The following FCHO1 variants were observed in gnomAD, a reference collection of about 807,000 sequenced individuals.
FCHO1 encodes the protein F-BAR domain only protein 1.
In FCHO1, 45 loss-of-function variants were observed where a neutral mutation model predicts 114.4. The ratio of observed to expected loss-of-function variants is 0.39; its 90% CI spans 0.31 to 0.50. The LOEUF (loss-of-function observed/expected upper bound fraction) is 0.50, where lower values mean the gene tolerates loss of function less well. Among genes scored for constraint, FCHO1 ranks in the 20% least tolerant of loss-of-function variants. FCHO1 has a pLI of 0.77. For synonymous variants in FCHO1, 480 were observed against 488.9 expected (o/e 0.98, Z 0.24); for missense variants, 1,042 against 1,209.6 (o/e 0.86, Z 2.06).
intron 1 of FCHO1, among the ~76,000 whole-genome samples, chr19:17,752,634 C>T (rs2082273435): frequency 6.7e-6 from 1 of 149,534 alleles, no homozygotes; most frequent in Non-Finnish European, 1.5e-5. Context: ...GGTTGTGGCT[C>T]ATGGCTGTAA....
At chr19:17,768,709 CAAAA>C in intron 7 of FCHO1, among the ~76,000 whole-genome samples, 1 of 109,690 alleles carries the variant, frequency 9.1e-6, no homozygotes, top group African/African-American at 3.4e-5. Flanking sequence ...CAAAACAAGG[CAAAA>C]AAAAAAAAAA....
intron 5 of FCHO1, 75 bp from the exon 6 acceptor site, chr19:17,764,300 C>T: frequency 6.8e-7 from 1 of 1,477,002 alleles, no homozygotes; most frequent in Non-Finnish European, 9.5e-7. Context: ...CTCGGCCTCC[C>T]AGAGTGCTGG....
At chr19:17,779,294 G>A (rs779994865) in intron 20 of FCHO1, among the ~76,000 whole-genome samples, 65 of 152,230 alleles carry the variant, frequency 4.3e-4, no homozygotes, top group Non-Finnish European at 7.9e-4. Flanking sequence ...GGACCAGGAA[G>A]GGCCTGATGG....
intron 27 of FCHO1, among the ~76,000 whole-genome samples, chr19:17,787,411 TAA>T (rs139752878): frequency 6.7e-4 from 69 of 103,438 alleles, no homozygotes; most frequent in Non-Finnish European, 7.2e-4. Flanking sequence ...ACCCTGTCTC[TAA>T]AAAAAAAAAA....
chr19:17,781,639 G>T (rs1038421973), intron 22 of FCHO1, 73 bp from the exon 23 acceptor site: 34 of 1,547,016 alleles, frequency 2.2e-5, no homozygotes, highest in Middle Eastern at 3.4e-4. Context: ...GTTGGGCGGA[G>T]GGAGTCTCGA....
At chr19:17,766,553 G>A in intron 6 of FCHO1, 116 bp from the exon 7 acceptor site, 1 of 1,275,680 alleles carries the variant, frequency 7.8e-7, no homozygotes, top group Non-Finnish European at 1.1e-6. Context: ...ATATGAATTA[G>A]TATTCATTCA....
intron 6 of FCHO1, among the ~76,000 whole-genome samples, chr19:17,766,177 ATTT>A (rs1205212543): frequency 1.0e-5 from 1 of 96,006 alleles, no homozygotes; most frequent in African/African-American, 4.1e-5. Context: ...GGCGTGAACC[ATTT>A]TTTTTTTTTT....
Position 17,767,563 on chromosome 19 carries a change from TA to T in FCHO1, c.336+773del, listed in dbSNP as rs34862065. 2.8e-4 allele frequency among the ~76,000 whole-genome samples: 32 copies of T among 114,294 alleles called. No homozygotes were observed. In the South Asian group the frequency reaches 3.5e-3, roughly 13 times the overall value. The allele number at this position is 114,294 out of a possible 152,430, so 75.0% of individuals were successfully genotyped here. On this transcript the variant is annotated intron_variant, in intron 7 of 28. Coordinates refer to ENST00000596536, the MANE Select transcript of FCHO1 (RefSeq NM_015122.3). Reference sequence around the variant, plus strand: ...GCCTAGGCAACAGAGAAAGACTGTCTAAAAAAAAAAAAAAAAAAAACAAGAG... The same window carrying T: ...GCCTAGGCAACAGAGAAAGACTGTCTAAAAAAAAAAAAAAAAAAACAAGAG...
chr19:17,752,920 A>T (rs1022311621), intron 1 of FCHO1, among the ~76,000 whole-genome samples: 7 of 151,776 alleles, frequency 4.6e-5, no homozygotes, highest in Admixed American at 1.3e-4. Context: ...ATAAAAAAAT[A>T]AAAAAAACTT....
At chr19:17,758,041 C>T (rs1212265258) in intron 4 of FCHO1, among the ~76,000 whole-genome samples, 1 of 151,744 alleles carries the variant, frequency 6.6e-6, no homozygotes, top group Non-Finnish European at 1.5e-5. Flanking sequence ...CAGTGAAACC[C>T]CGTCTCTACT....
intron 11 of FCHO1, 55 bp downstream of exon 11, chr19:17,772,796 C>T: frequency 8.2e-7 from 1 of 1,225,090 alleles, no homozygotes; most frequent in Non-Finnish European, 1.2e-6. Context: ...TGCAGACAGG[C>T]ATGTGCCACC....
rs1457922442 is a variant in FCHO1 at position 17,775,892 on chromosome 19, G to A, written c.1004-91G>A. The A allele has an allele frequency of 2.0e-6, 3 of 1,483,312 alleles. No individual in the cohort carries two copies. The highest frequency in any genetic ancestry group is 1.8e-5 in the Admixed American group (1 of 55,128). 91.9% of individuals were successfully genotyped at this position (1,483,312 alleles called of 1,614,324 possible). ...CGATGGGATTGGGCAGGACCTCGAA[G>A]GGTTTGAGCAGGGAGGGACGAGGCT... On this transcript the variant is annotated intron_variant, in intron 15 of 28. Transcript: ENST00000596536. The surrounding 1 kb of genome is among the most constrained non-coding windows in gnomAD (Gnocchi z 5.1).
chr19:17,751,446 G>C (rs1264359604), upstream of FCHO1: 1 of 129,058 alleles, frequency 7.7e-6, no homozygotes, highest in African/African-American at 3.0e-5. This position sits in a 1 kb window ranked among gnomAD's most constrained non-coding sequence, Gnocchi z 4.4. Context: ...GCGGGGCGGG[G>C]TGAGCTTCCT....
At chr19:17,757,114 G>A (rs8106026) in intron 4 of FCHO1, among the ~76,000 whole-genome samples, 62,454 of 150,850 alleles carry the variant, frequency 0.41, 13,952 homozygotes, top group Non-Finnish European at 0.48. Context: ...GCTTGAACCC[G>A]GGAGGTGGAA....
intron 7 of FCHO1, among the ~76,000 whole-genome samples, chr19:17,769,742 A>G (rs1001286300): frequency 4.6e-5 from 7 of 152,154 alleles, no homozygotes; most frequent in African/African-American, 1.7e-4. Flanking sequence ...TCACAGTAAT[A>G]ATTGGGGACT....
chr19:17,750,528 C>T (rs1435734444), upstream of FCHO1, among the ~76,000 whole-genome samples: 5 of 150,920 alleles, frequency 3.3e-5, no homozygotes, highest in Non-Finnish European at 3.0e-5. Context: ...GCTCGATCTC[C>T]GCTCACTGCA....
At chr19:17,753,313 G>C (rs2082470466) in intron 1 of FCHO1, among the ~76,000 whole-genome samples, 1 of 152,198 alleles carries the variant, frequency 6.6e-6, no homozygotes. Context: ...AAGTTTTTCA[G>C]GGGCCCTGTC....
intron 18 of FCHO1, among the ~76,000 whole-genome samples, chr19:17,777,428 C>G (rs972688707): frequency 6.8e-6 from 1 of 146,956 alleles, no homozygotes; most frequent in Non-Finnish European, 1.5e-5. Flanking sequence ...CCCAGCTATT[C>G]GAGAGGGTGA....
chr19:17,781,102 A>C, intron 20 of FCHO1, 129 bp from the exon 21 acceptor site: 1 of 661,898 alleles, frequency 1.5e-6, no homozygotes. Context: ...CAACACCAGG[A>C]CTTCAGACCC....
Sources: allele counts gnomAD v4.1 joint callset (sites outside exome capture counted in the v4.1 genomes callset), GRCh38; gene constraint gnomAD v4.1.1; non-coding constraint Gnocchi (gnomAD v3.1); transcripts MANE v1.5; gene names NCBI Gene and HGNC (gene_info 2026-07-23, HGNC 2026-07-21).